The following ITPR2 variants were observed in gnomAD, a reference collection of about 807,000 sequenced individuals.
ITPR2 encodes inositol 1,4,5-trisphosphate receptor type 2, also known as inositol 1,4,5-trisphosphate-gated calcium channel ITPR2.
A neutral mutation model predicts 317.1 loss-of-function variants in ITPR2; 207 were observed. That is an observed-to-expected ratio of 0.65 (90% confidence interval 0.58 to 0.73). The LOEUF (loss-of-function observed/expected upper bound fraction) is 0.73. ITPR2 is among the 30% of genes least tolerant of loss of function. ITPR2 has a pLI of 0.00. For missense variants in ITPR2, 2,613 were observed against 3,284.0 expected, an observed-to-expected ratio of 0.80 and a Z score of 4.99; for synonymous variants, 1,156 against 1,149.1, an observed-to-expected ratio of 1.01 and a Z score of -0.12.
intron 34 of ITPR2, among the ~76,000 whole-genome samples, chr12:26,569,660 T>G (rs1945105445): frequency 6.6e-6 from 1 of 151,844 alleles, no homozygotes; most frequent in Non-Finnish European, 1.5e-5. Context: ...GAAAAAAACC[T>G]ATTAGGAGAA....
At chr12:26,795,334 A>T (rs1950414728) in intron 1 of ITPR2, among the ~76,000 whole-genome samples, 1 of 152,264 alleles carries the variant, frequency 6.6e-6, no homozygotes, top group South Asian at 2.1e-4. Flanking sequence ...TACATGGATG[A>T]TGATATTTAT....
intron 37 of ITPR2, among the ~76,000 whole-genome samples, chr12:26,529,835 T>G (rs944848254): frequency 5.3e-5 from 8 of 152,186 alleles, no homozygotes; most frequent in Non-Finnish European, 8.8e-5. Flanking sequence ...GCACACTGTG[T>G]ATTTGTTTAT....
At position 26,831,811 on chromosome 12, in the gene ITPR2, TATAA is replaced by T. The variant is rs758874791; in HGVS notation, c.92+875_92+878del. ...ATAAATATATATTATACATAAAATA[TATAA>T]ATATATATTATACATAAAATATATA... On this transcript the variant is annotated intron_variant, in intron 1 of 56. Transcript: ENST00000381340. This position sits in a 1 kb window ranked among gnomAD's most constrained non-coding sequence, Gnocchi z 4.9. 2.8e-4 allele frequency among the ~76,000 whole-genome samples: 39 copies of T among 139,742 alleles called. No homozygotes were observed. Among genetic ancestry groups the T allele is most frequent in the Non-Finnish European group, 4.9e-4 (32 of 65,194 alleles). The allele number at this position is 139,742 out of a possible 152,430, so 91.7% of individuals were successfully genotyped here.
intron 22 of ITPR2, among the ~76,000 whole-genome samples, 154 bp downstream of exon 22, chr12:26,631,712 A>G (rs1565653162): frequency 6.6e-6 from 1 of 152,212 alleles, no homozygotes; most frequent in Admixed American, 6.5e-5. Context: ...TCTGTGTGAT[A>G]TTTTTTACCA....
intron 37 of ITPR2, among the ~76,000 whole-genome samples, chr12:26,498,309 G>C (rs572063800): frequency 1.3e-5 from 2 of 152,232 alleles, no homozygotes; most frequent in South Asian, 4.1e-4. Context: ...GCAGCACCTA[G>C]AAGAAACATA....
At chr12:26,619,001 G>A (rs1341277861) in intron 26 of ITPR2, among the ~76,000 whole-genome samples, 2 of 152,186 alleles carry the variant, frequency 1.3e-5, no homozygotes. Context: ...CTGTTATATA[G>A]GGAGGGAGCA....
At chr12:26,564,661 C>T (rs982791241) in intron 34 of ITPR2, among the ~76,000 whole-genome samples, 4 of 152,018 alleles carry the variant, frequency 2.6e-5, no homozygotes, top group South Asian at 2.1e-4. Flanking sequence ...GGGACACACA[C>T]GATGTGAAGA....
intron 14 of ITPR2, 142 bp from the exon 15 acceptor site, chr12:26,663,988 C>T (rs1480445268): frequency 4.1e-6 from 3 of 731,240 alleles, no homozygotes; most frequent in Non-Finnish European, 6.3e-6. Flanking sequence ...AAAGGATTTA[C>T]GTTACAGGAC....
chr12:26,827,970 G>A (rs926429594), intron 1 of ITPR2, among the ~76,000 whole-genome samples: 1 of 152,210 alleles, frequency 6.6e-6, no homozygotes, highest in African/African-American at 2.4e-5. Flanking sequence ...TAAGCATAAT[G>A]TAGATTTTCC....
chr12:26,517,795 G>A (rs1034477431), intron 37 of ITPR2, among the ~76,000 whole-genome samples: 2 of 152,150 alleles, frequency 1.3e-5, no homozygotes, highest in Non-Finnish European at 1.5e-5. Context: ...TTGAGGTCAC[G>A]CCACTGCACT....
At chr12:26,763,591 TAAATGAGAGGCAC>T (rs1949673157) in intron 2 of ITPR2, among the ~76,000 whole-genome samples, 1 of 152,148 alleles carries the variant, frequency 6.6e-6, no homozygotes, top group Non-Finnish European at 1.5e-5. Context: ...TTTCTTAAGC[TAAATGAGAGGCAC>T]TTGTGTAATT....
intron 21 of ITPR2, among the ~76,000 whole-genome samples, chr12:26,639,828 C>T (rs1490087693): frequency 6.6e-6 from 1 of 151,958 alleles, no homozygotes; most frequent in Non-Finnish European, 1.5e-5. Context: ...GCATAGTATT[C>T]CATGGTGTAT....
chr12:26,439,053 G>A (rs2136727744), intron 47 of ITPR2, 74 bp downstream of exon 47: 4 of 864,598 alleles, frequency 4.6e-6, no homozygotes, highest in Non-Finnish European at 7.3e-6. Flanking sequence ...TAAATGAGCT[G>A]CATCATGTGT....
At chr12:26,728,934 CT>C (rs1353537875) in intron 2 of ITPR2, among the ~76,000 whole-genome samples, 2 of 152,188 alleles carry the variant, frequency 1.3e-5, no homozygotes, top group Non-Finnish European at 2.9e-5. Context: ...CTTACACATG[CT>C]GGATATTAGA....
chr12:26,610,122 C>T (rs932349234), intron 26 of ITPR2, among the ~76,000 whole-genome samples: 1 of 152,242 alleles, frequency 6.6e-6, no homozygotes, highest in Non-Finnish European at 1.5e-5. Flanking sequence ...CACTGTGTCT[C>T]TGATTGGTCA....
At chr12:26,414,972 G>C (rs537598511) in intron 51 of ITPR2, among the ~76,000 whole-genome samples, 3 of 152,058 alleles carry the variant, frequency 2.0e-5, no homozygotes, top group Admixed American at 2.0e-4. Context: ...GGGAGACAGG[G>C]AAAAAGAGGA....
At chr12:26,677,916 C>T (rs969332729) in intron 13 of ITPR2, among the ~76,000 whole-genome samples, 2 of 151,984 alleles carry the variant, frequency 1.3e-5, no homozygotes, top group Non-Finnish European at 2.9e-5. Context: ...GGTGGATGAC[C>T]CCTATTCTAG....
At position 26,483,761 on chromosome 12, in the gene ITPR2, C is replaced by T. The variant is rs775884910; in HGVS notation, c.5949G>A (p.Ala1983=). 4.2e-5 allele frequency: 67 copies of T among 1,614,048 alleles called. No homozygotes were observed. Among genetic ancestry groups the T allele is most frequent in the East Asian group, 1.3e-4 (6 of 44,900 alleles). ...LGLYINEKNV[A]LVNQNLESLT... Reference sequence around the variant, plus strand: ...AGCTCTCCAGGTTCTGGTTGACCAGCGCTACATTCTTCTCATTGATGTAGA... The same window carrying T: ...AGCTCTCCAGGTTCTGGTTGACCAGTGCTACATTCTTCTCATTGATGTAGA... Residue 1983 remains alanine (A), a synonymous_variant, in exon 42 of 57, where the codon GCG becomes GCA. Coordinates refer to ENST00000381340, the MANE Select transcript of ITPR2 (RefSeq NM_002223.4).
intron 2 of ITPR2, among the ~76,000 whole-genome samples, chr12:26,731,862 T>C (rs1237239990): frequency 6.6e-6 from 1 of 152,222 alleles, no homozygotes; most frequent in East Asian, 1.9e-4. Context: ...GGGAGAGGAA[T>C]GCATTCATTA....
Sources: gnomAD v4.1 joint callset for allele counts (sites outside exome capture counted in the v4.1 genomes callset) on GRCh38, gnomAD v4.1.1 for gene constraint, Gnocchi (gnomAD v3.1) non-coding constraint, MANE v1.5 for transcripts, NCBI Gene and HGNC (gene_info 2026-07-23, HGNC 2026-07-21) for gene names.